Variants in SERBP1 observed in about 807,000 individuals in gnomAD.
The protein encoded by SERBP1 is SERPINE1 mRNA binding protein 1.
Under a neutral mutation model 50.2 loss-of-function variants are expected in SERBP1, and 6 were observed. That is an observed-to-expected ratio of 0.12 (90% CI 0.07 to 0.24). The LOEUF (loss-of-function observed/expected upper bound fraction) is 0.24. SERBP1 is among the 10% of genes least tolerant of loss of function. SERBP1 has a pLI of 1.00. For missense variants in SERBP1, 346 were observed against 524.9 expected (o/e 0.66, Z 3.33); for synonymous variants, 168 against 182.8 (o/e 0.92, Z 0.65).
chr1:67,419,405 G>A lies in SERBP1; in HGVS notation c.951+604C>T, dbSNP rs573718590. On this transcript the variant is annotated intron_variant, in intron 6 of 7. Transcript: ENST00000361219. ...TTGATCTGCGGGGTCAGTGCCCCTAGCATCCTCATGTTGTTCAACAAGTCA... is the reference window on the plus strand; with the variant it reads ...TTGATCTGCGGGGTCAGTGCCCCTAACATCCTCATGTTGTTCAACAAGTCA... 2.6e-5 allele frequency among the ~76,000 whole-genome samples: 4 copies of A among 152,316 alleles called. No homozygotes were observed. The South Asian group carries it at 8.3e-4, about 32-fold the overall frequency.
intron 6 of SERBP1, among the ~76,000 whole-genome samples, chr1:67,416,076 G>A (rs1394272175): frequency 2.1e-5 from 3 of 145,456 alleles, no homozygotes; most frequent in African/African-American, 7.6e-5. Context: ...GCAGTGGCAC[G>A]ATCTGGGTTC....
chr1:67,415,753 C>T (rs1283799815), intron 6 of SERBP1, among the ~76,000 whole-genome samples: 2 of 152,186 alleles, frequency 1.3e-5, no homozygotes, highest in Non-Finnish European at 2.9e-5. Flanking sequence ...AAGGTTACTA[C>T]TAGCACTAAC....
rs747142278 is a variant in SERBP1 at position 67,409,856 on chromosome 1, T to G, written c.*3351A>C. 3.9e-5 allele frequency: 6 copies of G among 152,228 alleles called. No individual in the cohort carries two copies. Among genetic ancestry groups the G allele is most frequent in the Non-Finnish European group, 7.3e-5 (5 of 68,028 alleles). 9.4% of individuals were successfully genotyped at this position (152,228 alleles called of 1,614,324 possible). On this transcript the variant is annotated 3_prime_UTR_variant, in exon 8 of 8. Coordinates refer to ENST00000361219, the MANE Select transcript of SERBP1 (RefSeq NM_001018069.2). ...GGTCCAGTTCAAATATGTATCATTT[T>G]ACTGCCTTGTTACCAGTTATGCCAT...
At chr1:67,424,764 C>T (rs917067800) in intron 4 of SERBP1, 124 bp downstream of exon 4, 15 of 744,898 alleles carry the variant, frequency 2.0e-5, no homozygotes, top group Admixed American at 5.0e-5. Context: ...AAGACATTAT[C>T]TTGTAATATA....
chr1:67,411,241 GTC>G lies in SERBP1; in HGVS notation c.*1964_*1965del, dbSNP rs1004418870. On this transcript the variant is annotated 3_prime_UTR_variant, in exon 8 of 8. Transcript: ENST00000361219. ...GCAACATACCAGATATTGCTATGTT[GTC>G]TCTCACGACAGCAATGGATGACACT... The G allele has an allele frequency of 6.6e-6, 1 of 152,086 alleles. No individual in the cohort carries two copies. Among genetic ancestry groups the G allele is most frequent in the African/African-American group, 2.4e-5 (1 of 41,434 alleles). 9.4% of individuals were successfully genotyped at this position (152,086 alleles called of 1,614,324 possible).
At position 67,419,911 on chromosome 1, in the gene SERBP1, AACAG is replaced by A. The variant is rs543300705; in HGVS notation, c.951+94_951+97del. On this transcript the variant is annotated intron_variant, in intron 6 of 7. Transcript: ENST00000361219. ...CCCAAATGATCCTATGTAAAGCTTT[AACAG>A]ACAAATAACCCATGTGAAATTTTAA... 3.0e-4 allele frequency: 315 copies of A among 1,049,698 alleles called. 1 individual carries two copies. The East Asian group carries it at 4.9e-3, about 16-fold the overall frequency. 65.0% of individuals were successfully genotyped at this position (1,049,698 alleles called of 1,614,324 possible).
chr1:67,420,183 C>A lies in SERBP1; in HGVS notation c.777G>T (p.Glu259Asp), dbSNP rs1247423339. The change falls in exon 6 of 8, where the codon GAG becomes GAT. Residue 259 changes from glutamate (E) to aspartate (D), a missense_variant. By Grantham distance (45) the Glu-to-Asp change is conservative. This residue lies in a region of SERBP1 where 257 missense variants were observed against 331.2 expected (regional missense o/e 0.78). Transcript: ENST00000361219. ...HHPVADTENK[E>D]NEVEEVKEEG... ...CCTCTTTTACCTCTTCAACTTCATT[C>A]TCCCTGTGAAAAGGTTTTCAAGTTT... 1.2e-6 allele frequency: 2 copies of A among 1,606,534 alleles called. No individual in the cohort carries two copies. Among genetic ancestry groups the A allele is most frequent in the Non-Finnish European group, 1.7e-6 (2 of 1,177,778 alleles).
intron 1 of SERBP1, among the ~76,000 whole-genome samples, chr1:67,428,249 A>AG (rs1667452440): frequency 6.6e-6 from 1 of 152,258 alleles, no homozygotes; most frequent in African/African-American, 2.4e-5. Flanking sequence ...TCCCATGGAA[A>AG]GACTCATTGA....
chr1:67,417,821 A>G (rs998687254), intron 6 of SERBP1, among the ~76,000 whole-genome samples: 2 of 151,592 alleles, frequency 1.3e-5, no homozygotes, highest in Admixed American at 6.6e-5. Context: ...TTTTTTCTAG[A>G]GCACTCAGAC....
At chr1:67,413,951 A>G (rs969626) in intron 7 of SERBP1, among the ~76,000 whole-genome samples, 86,560 of 151,768 alleles carry the variant, frequency 0.57, 26,456 homozygotes, top group Non-Finnish European at 0.68. Flanking sequence ...GGTTACAGGG[A>G]TGTGCCACCA....
rs768733223 is a variant in SERBP1, at chr1:67,409,386, G to GACACACAC, written c.*3813_*3820dup. The GACACACAC allele has an allele frequency of 0.014, 1,650 of 114,148 alleles. 15 individuals are homozygous for GACACACAC. Among genetic ancestry groups the GACACACAC allele is most frequent in the South Asian group, 0.021 (64 of 3,072 alleles). 7.1% of individuals were successfully genotyped at this position (114,148 alleles called of 1,614,324 possible). A position where few individuals can be genotyped will look rare whatever the true frequency, so the allele number is the denominator to read the frequency against. On this transcript the variant is annotated 3_prime_UTR_variant, in exon 8 of 8. Transcript: ENST00000361219. ...AAACCATTCTTAACTCAGGGACACG[G>GACACACAC]ACACACACACACACACACACACACA...
chr1:67,423,978 T>C (rs1667288246), intron 5 of SERBP1, among the ~76,000 whole-genome samples: 1 of 152,176 alleles, frequency 6.6e-6, no homozygotes, highest in Non-Finnish European at 1.5e-5. Context: ...AGCCCAGGAA[T>C]TGGAGACCTG....
intron 6 of SERBP1, among the ~76,000 whole-genome samples, chr1:67,418,305 T>C (rs1425337461): frequency 1.3e-5 from 2 of 150,914 alleles, no homozygotes; most frequent in Non-Finnish European, 3.0e-5. Flanking sequence ...CAGTTTTTTT[T>C]CTACAGGACT....
chr1:67,428,981 C>T (rs1182886383), intron 1 of SERBP1, among the ~76,000 whole-genome samples: 1 of 152,152 alleles, frequency 6.6e-6, no homozygotes, highest in Admixed American at 6.5e-5. Context: ...AAACTGCTTG[C>T]TCTTTTTTTT....
At chr1:67,415,118 A>G (rs771546338) in intron 7 of SERBP1, 48 bp downstream of exon 7, 11 of 1,518,924 alleles carry the variant, frequency 7.2e-6, no homozygotes, top group East Asian at 2.3e-5. Context: ...CCAGTGACTT[A>G]TAAGAGGTCC....
At position 67,413,249 on chromosome 1, in the gene SERBP1, A is replaced by T. The variant is rs186780002; in HGVS notation, c.1140T>A (p.Ala380=). 1.3e-6 allele frequency: 2 copies of T among 1,589,936 alleles called. No homozygotes were observed. Among genetic ancestry groups the T allele is most frequent in the Admixed American group, 1.9e-5 (1 of 53,728 alleles). The change falls in exon 8 of 8, where the codon GCT becomes GCA. Residue 380 remains alanine (A), a synonymous_variant. Transcript: ENST00000361219. ...GSRTDKSSAS[A]PDVDDPEAFP... ...ATGCCTCTGGGTCATCCACATCAGG[A>T]GCAGAAGCACTTGACTGAAAAAGAA... is the stretch of plus-strand genomic sequence containing the variant.
chr1:67,418,123 GCAC>G (rs375846221), intron 6 of SERBP1, among the ~76,000 whole-genome samples: 13 of 151,756 alleles, frequency 8.6e-5, no homozygotes, highest in Non-Finnish European at 1.9e-4. Flanking sequence ...TTACAGGCAT[GCAC>G]CACCACACCA....
intron 5 of SERBP1, among the ~76,000 whole-genome samples, chr1:67,423,003 A>G (rs1667250587): frequency 6.6e-6 from 1 of 150,614 alleles, no homozygotes. Context: ...ACAAAACAAA[A>G]CACCATGTAA....
At chr1:67,416,004 C>A (rs1666992627) in intron 6 of SERBP1, among the ~76,000 whole-genome samples, 1 of 143,856 alleles carries the variant, frequency 7.0e-6, no homozygotes, top group African/African-American at 2.5e-5. Flanking sequence ...AAATGTGTCA[C>A]AGGAACCTTT....
Sources: allele counts gnomAD v4.1 joint callset (sites outside exome capture counted in the v4.1 genomes callset), GRCh38; gene constraint gnomAD v4.1.1; regional missense constraint gnomAD v4.1.1; transcripts MANE v1.5; gene names NCBI Gene and HGNC (gene_info 2026-07-23, HGNC 2026-07-21).